Variants in RALGPS1 observed in about 807,000 individuals in gnomAD.
RALGPS1 encodes the protein Ral GEF with PH domain and SH3 binding motif 1.
Under a neutral mutation model 78.8 loss-of-function variants are expected in RALGPS1, and 19 were observed. That is an observed-to-expected ratio of 0.24 (90% CI 0.17 to 0.35). The LOEUF (loss-of-function observed/expected upper bound fraction) is 0.35. Ranked by LOEUF, RALGPS1 falls within the 10% of genes least tolerant of loss-of-function variation. The pLI is 1.00. For synonymous variants in RALGPS1, 228 were observed against 256.3 expected, an observed-to-expected ratio of 0.89 and a Z score of 1.06; for missense variants, 454 against 688.3, an observed-to-expected ratio of 0.66 and a Z score of 3.81.
At chr9:127,152,818 C>CT in intron 8 of RALGPS1, among the ~76,000 whole-genome samples, 1 of 152,168 alleles carries the variant, frequency 6.6e-6, no homozygotes, top group East Asian at 1.9e-4. Flanking sequence ...CCTCCTAAAG[C>CT]TTCAGGAATT....
intron 14 of RALGPS1, among the ~76,000 whole-genome samples, chr9:127,207,588 A>T (rs2062003545): frequency 6.6e-6 from 1 of 152,230 alleles, no homozygotes; most frequent in South Asian, 2.1e-4. Flanking sequence ...GGCCCTGAAC[A>T]TTCAAATAAC....
intron 4 of RALGPS1, among the ~76,000 whole-genome samples, chr9:126,999,689 A>G (rs960420110): frequency 6.6e-6 from 1 of 152,098 alleles, no homozygotes; most frequent in Non-Finnish European, 1.5e-5. Flanking sequence ...ATAATAATTT[A>G]TTGTTTGCAT....
intron 11 of RALGPS1, chr9:127,177,921 G>A (rs1206368137): frequency 6.5e-7 from 1 of 1,549,134 alleles, no homozygotes; most frequent in Non-Finnish European, 8.7e-7. Context: ...AAACCAGCAA[G>A]CCAGCCAACC....
intron 1 of RALGPS1, among the ~76,000 whole-genome samples, chr9:126,944,519 A>G (rs981049127): frequency 6.4e-5 from 8 of 124,832 alleles, no homozygotes; most frequent in African/African-American, 2.4e-4. Context: ...GGTTTTTCAC[A>G]GGAAATGTTG....
At chr9:126,962,740 G>T (rs1262812725) in intron 2 of RALGPS1, among the ~76,000 whole-genome samples, 2 of 149,836 alleles carry the variant, frequency 1.3e-5, no homozygotes, top group African/African-American at 5.1e-5. Flanking sequence ...CTTGCTCAGT[G>T]GGAAATGGTT....
At chr9:126,998,260 C>G (rs1022644584) in intron 4 of RALGPS1, among the ~76,000 whole-genome samples, 5 of 152,128 alleles carry the variant, frequency 3.3e-5, no homozygotes, top group African/African-American at 1.2e-4. Context: ...AAAACTTTTG[C>G]AACCTACTCA....
In RALGPS1 at chr9:127,091,889, A is replaced by G. The variant is rs2052523237; in HGVS notation, c.610+22533A>G. The G allele has an allele frequency of 6.2e-7, 1 of 1,614,198 alleles. No individual in the cohort carries two copies. The highest frequency in any genetic ancestry group is 2.2e-5 in the East Asian group (1 of 44,874). On this transcript the variant is annotated intron_variant, in intron 8 of 18. Transcript: ENST00000259351. The surrounding 1 kb of genome is among the most constrained non-coding windows in gnomAD (Gnocchi z 4.3). ...TAGTTGCCTTGGTTCGTCAGCCAGT[A>G]AATGTTCTCCAGGCCCAGCCAGTAT... is the stretch of plus-strand genomic sequence containing the variant.
At position 127,069,240 on chromosome 9, in the gene RALGPS1, G is replaced by A. The variant is rs1189476442; in HGVS notation, c.494G>A (p.Arg165Gln). 1 of 1,606,468 alleles carries A rather than the reference G, an allele frequency of 6.2e-7. No homozygotes were observed. ...TTCTTCTCATTCTAGCTTTTAAATC[G>A]AAAAGACAAGACTACCTTTGAGAAA... ...RLTKTWALLN[R>Q]KDKTTFEKLD... The change falls in exon 8 of 19, where the codon CGA (arginine) becomes CAA (glutamine). Residue 165 changes from arginine to glutamine, a missense_variant. Arg to Gln is a conservative substitution (Grantham distance 43). Coordinates refer to ENST00000259351, the MANE Select transcript of RALGPS1 (RefSeq NM_014636.3).
chr9:126,941,495 C>T (rs954889912), intron 1 of RALGPS1, among the ~76,000 whole-genome samples: 2 of 152,126 alleles, frequency 1.3e-5, no homozygotes, highest in Admixed American at 6.5e-5. Context: ...AAATTATGAC[C>T]TGTCTCCCAC....
chr9:126,943,009 A>G (rs2036927298), intron 1 of RALGPS1, among the ~76,000 whole-genome samples: 1 of 152,178 alleles, frequency 6.6e-6, no homozygotes, highest in Non-Finnish European at 1.5e-5. Context: ...TGTTGATTTT[A>G]TAGCTGGATA....
chr9:127,076,961 A>C (rs1490345566), intron 8 of RALGPS1, among the ~76,000 whole-genome samples: 3 of 152,200 alleles, frequency 2.0e-5, no homozygotes, highest in Non-Finnish European at 4.4e-5. Context: ...GAGGAAAAAC[A>C]TGTTTGTTAG....
intron 11 of RALGPS1, among the ~76,000 whole-genome samples, chr9:127,191,251 T>G (rs2061012275): frequency 6.6e-6 from 1 of 152,246 alleles, no homozygotes; most frequent in South Asian, 2.1e-4. Flanking sequence ...TGTTGTCAAA[T>G]TTATTCATCT....
chr9:127,125,484 A>T (rs925870590), intron 8 of RALGPS1, among the ~76,000 whole-genome samples: 1 of 152,138 alleles, frequency 6.6e-6, no homozygotes, highest in African/African-American at 2.4e-5. Flanking sequence ...TAAAAAGGGG[A>T]TGCTACTACT....
chr9:127,220,023 C>T lies in RALGPS1; in HGVS notation c.*1254C>T, dbSNP rs1432338768. On this transcript the variant is annotated 3_prime_UTR_variant, in exon 19 of 19. Coordinates refer to ENST00000259351, the MANE Select transcript of RALGPS1 (RefSeq NM_014636.3). ...AGGAGCTCTTCACATGAATCACATC[C>T]TTATCTGTCACCTTGTGTCACATTT... 1 of 152,684 alleles carries T rather than the reference C, an allele frequency of 6.5e-6. No individual in the cohort carries two copies. The highest frequency in any genetic ancestry group is 2.4e-5 in the African/African-American group (1 of 41,466). The allele number at this position is 152,684 out of a possible 1,614,324, so 9.5% of individuals were successfully genotyped here. A position where few individuals can be genotyped will look rare whatever the true frequency, so the allele number is the denominator to read the frequency against.
At chr9:127,164,538 T>C (rs2059192650) in intron 8 of RALGPS1, among the ~76,000 whole-genome samples, 1 of 122,742 alleles carries the variant, frequency 8.1e-6, no homozygotes, top group Admixed American at 8.0e-5. Context: ...CCTGGCCTTT[T>C]TTTTTTTTTT....
chr9:127,119,339 C>T (rs754568913), intron 8 of RALGPS1, among the ~76,000 whole-genome samples: 1 of 152,292 alleles, frequency 6.6e-6, no homozygotes, highest in East Asian at 1.9e-4. Context: ...GTGCAGCATT[C>T]GATAGGACAG....
chr9:127,151,984 C>T (rs12347849), intron 8 of RALGPS1, among the ~76,000 whole-genome samples: 12,974 of 152,172 alleles, frequency 0.085, 1,841 homozygotes, highest in African/African-American at 0.29. Flanking sequence ...TGCAAATCTC[C>T]GCAGTATCTG....
rs371343928 is a variant in RALGPS1, at chr9:126,926,971, G to T, written c.-66+11996G>T. Among the ~76,000 whole-genome samples the T allele has an allele frequency of 1.6e-4, 25 of 152,190 alleles. No individual in the cohort carries two copies. The East Asian group carries it at 4.1e-3, about 25-fold the overall frequency. On this transcript the variant is annotated intron_variant, in intron 1 of 18. Transcript: ENST00000259351. ...TTGGTAGGAGGAAGGTTGTGAATTT[G>T]GTTTGGGCCATTTTGAGTTTGGAAT...
chr9:126,959,593 CTT>C (rs11296664), intron 1 of RALGPS1, among the ~76,000 whole-genome samples: 113 of 144,126 alleles, frequency 7.8e-4, no homozygotes, highest in East Asian at 3.2e-3. Flanking sequence ...CTGACCAGTT[CTT>C]TTTTTTTTTT....
Sources: gnomAD v4.1 joint callset for allele counts (sites outside exome capture counted in the v4.1 genomes callset) on GRCh38, gnomAD v4.1.1 for gene constraint, Gnocchi (gnomAD v3.1) non-coding constraint, MANE v1.5 for transcripts, NCBI Gene and HGNC (gene_info 2026-07-23, HGNC 2026-07-21) for gene names.